WIPF1: variants seen among roughly 807,000 people sequenced by gnomAD.
WIPF1 encodes WAS/WASL-interacting protein family member 1.
WIPF1 carries 13 observed loss-of-function variants against 35.4 expected under a neutral mutation model. That is an observed-to-expected ratio of 0.37 (90% confidence interval 0.24 to 0.58). WIPF1 has a LOEUF of 0.58. Ranked by LOEUF, WIPF1 falls within the 20% of genes least tolerant of loss-of-function variation. WIPF1 has a pLI of 0.74. For synonymous variants in WIPF1, 267 were observed against 266.3 expected (o/e 1.00, Z -0.02); for missense variants, 591 against 667.0 (o/e 0.89, Z 1.25).
intron 1 of WIPF1, chr2:174,673,825 A>T (rs1362542215): frequency 3.4e-5 from 1 of 29,270 alleles, no homozygotes; most frequent in Non-Finnish European, 6.5e-5. Context: ...CACTAATATT[A>T]AAAAAAAAAA....
intron 1 of WIPF1, chr2:174,629,860 A>G (rs1292102318): frequency 6.6e-6 from 1 of 152,226 alleles, no homozygotes; most frequent in Admixed American, 6.5e-5. Flanking sequence ...AAATCTATCC[A>G]TTGTTGGCCT....
intron 1 of WIPF1, among the ~76,000 whole-genome samples, chr2:174,674,948 A>G (rs28479544): frequency 0.47 from 68,832 of 146,978 alleles, 16,886 homozygotes; most frequent in Admixed American, 0.57. Flanking sequence ...ACACACACAC[A>G]GATGTTCCAG....
At chr2:174,569,446 C>T (rs563823975) in intron 5 of WIPF1, among the ~76,000 whole-genome samples, 14 of 152,282 alleles carry the variant, frequency 9.2e-5, no homozygotes, top group South Asian at 4.1e-4. Flanking sequence ...GGTGATACCA[C>T]CACACAACTG....
intron 1 of WIPF1, chr2:174,673,330 G>C (rs968150211): frequency 6.6e-6 from 1 of 152,208 alleles, no homozygotes; most frequent in African/African-American, 2.4e-5. Flanking sequence ...GGTCCCATAT[G>C]GGGACTCAGG....
chr2:174,615,936 A>G (rs1686494954), intron 1 of WIPF1, among the ~76,000 whole-genome samples: 1 of 152,196 alleles, frequency 6.6e-6, no homozygotes, highest in South Asian at 2.1e-4. Flanking sequence ...CATTTCATGA[A>G]CTCATCCAAA....
rs184958608 is a variant in WIPF1, at chr2:174,602,888, G to A, written c.-38-17277C>T. On this transcript the variant is annotated intron_variant, in intron 1 of 8. Coordinates refer to the WIPF1 transcript ENST00000272746. ...ATTTGTTTGTATGGAGAATCATCCC[G>A]TGCTCACTCTCAAACCATGTGCATC... Among the ~76,000 whole-genome samples, 179 of 152,224 alleles carry A rather than the reference G, an allele frequency of 1.2e-3. 3 individuals are homozygous for A. In the Middle Eastern group the frequency reaches 0.031, roughly 26 times the overall value.
intron 1 of WIPF1, among the ~76,000 whole-genome samples, chr2:174,663,716 T>A (rs554661472): frequency 2.6e-4 from 39 of 152,322 alleles, no homozygotes; most frequent in Non-Finnish European, 2.9e-4. Context: ...GTTTTTTATC[T>A]TTTTCCATTT....
In WIPF1 at chr2:174,605,058, C is replaced by T. The variant is rs72914542; in HGVS notation, c.-38-19447G>A. Among the ~76,000 whole-genome samples the T allele has an allele frequency of 4.6e-3, 698 of 152,248 alleles. 6 individuals carry two copies. Among genetic ancestry groups the T allele is most frequent in the Admixed American group, 7.8e-3 (119 of 15,288 alleles). ...TGGGGCTGGAATGGCAGTATTATAC[C>T]CACATTATAGACGTGGAGACTGAGC... is the stretch of plus-strand genomic sequence containing the variant. On this transcript the variant is annotated intron_variant, in intron 1 of 8. Transcript: ENST00000272746.
At chr2:174,677,847 A>G (rs1048639914) in intron 1 of WIPF1, among the ~76,000 whole-genome samples, 9 of 150,732 alleles carry the variant, frequency 6.0e-5, no homozygotes, top group African/African-American at 2.2e-4. Context: ...CAGTATATGA[A>G]AAGTAGTGCA....
chr2:174,614,455 TAACA>T (rs1232751942), intron 1 of WIPF1, among the ~76,000 whole-genome samples: 12 of 152,060 alleles, frequency 7.9e-5, no homozygotes, highest in Admixed American at 7.2e-4. Flanking sequence ...AGGTGACACA[TAACA>T]AACAGAGAGA....
At chr2:174,573,431 A>G (rs963291066) in intron 4 of WIPF1, among the ~76,000 whole-genome samples, 1 of 152,196 alleles carries the variant, frequency 6.6e-6, no homozygotes, top group African/African-American at 2.4e-5. Flanking sequence ...TTGTGGGGGG[A>G]GATAAACAAT....
chr2:174,585,729 G>C, intron 1 of WIPF1, 118 bp from the exon 2 acceptor site: 1 of 728,672 alleles, frequency 1.4e-6, no homozygotes, highest in Non-Finnish European at 2.3e-6. Context: ...AGAAGAGATG[G>C]GCTTACCTTT....
chr2:174,662,919 TA>T (rs1164608612), intron 1 of WIPF1, among the ~76,000 whole-genome samples: 1 of 152,240 alleles, frequency 6.6e-6, no homozygotes, highest in Non-Finnish European at 1.5e-5. Context: ...TACAGATTCC[TA>T]ATTACTCAGA....
intron 1 of WIPF1, among the ~76,000 whole-genome samples, chr2:174,585,942 A>G (rs888998050): frequency 6.6e-6 from 1 of 152,212 alleles, no homozygotes; most frequent in Non-Finnish European, 1.5e-5. Context: ...ATCCTGGCCA[A>G]GTTTCACTGA....
At position 174,561,040 on chromosome 2, in the gene WIPF1, G is replaced by A. The variant is rs551938820; in HGVS notation, c.*1507C>T. On this transcript the variant is annotated 3_prime_UTR_variant, in exon 8 of 8. Transcript: ENST00000679041. ...CAAAACCATGTAAAATATCTAAGTG[G>A]AAATATTTTTTCCCAACTCTATAGC... 23 of 152,636 alleles carry A rather than the reference G, an allele frequency of 1.5e-4. No homozygotes were observed. Among genetic ancestry groups the A allele is most frequent in the African/African-American group, 5.5e-4 (23 of 41,514 alleles). The allele number at this position is 152,636 out of a possible 1,614,324, so 9.5% of individuals were successfully genotyped here.
chr2:174,640,761 CTTTAAT>C (rs1438473910), intron 1 of WIPF1, among the ~76,000 whole-genome samples: 2 of 151,776 alleles, frequency 1.3e-5, no homozygotes, highest in African/African-American at 4.8e-5. Context: ...TCCCTCCCCG[CTTTAAT>C]TTTAATTCTT....
intron 1 of WIPF1, among the ~76,000 whole-genome samples, chr2:174,643,613 T>C (rs1274678150): frequency 7.4e-5 from 11 of 149,536 alleles, no homozygotes; most frequent in Admixed American, 7.2e-4. Context: ...GTTTTGCATG[T>C]TGGCTATGCT....
intron 7 of WIPF1, among the ~76,000 whole-genome samples, chr2:174,563,911 T>C (rs17507821): frequency 0.26 from 39,287 of 152,078 alleles, 5,701 homozygotes; most frequent in Non-Finnish European, 0.33. Flanking sequence ...GAGAAAACAC[T>C]GAAAGAAGCA....
intron 1 of WIPF1, among the ~76,000 whole-genome samples, chr2:174,645,101 C>T (rs1687378599): frequency 6.6e-6 from 1 of 151,996 alleles, no homozygotes; most frequent in African/African-American, 2.4e-5. Context: ...TGAAATGAAA[C>T]CTTGGTTTGG....
Sources: gnomAD v4.1 joint callset for allele counts (sites outside exome capture counted in the v4.1 genomes callset) on GRCh38, gnomAD v4.1.1 for gene constraint, MANE v1.5 for transcripts, NCBI Gene and HGNC (gene_info 2026-07-23, HGNC 2026-07-21) for gene names.